The following DAB2IP variants were observed in gnomAD, a reference collection of about 807,000 sequenced individuals.
The protein encoded by DAB2IP is disabled homolog 2-interacting protein.
A neutral mutation model predicts 107.2 loss-of-function variants in DAB2IP; 28 were observed. The ratio of observed to expected loss-of-function variants is 0.26; its 90% CI spans 0.19 to 0.36. The LOEUF is 0.36. Among genes scored for constraint, DAB2IP ranks in the 10% least tolerant of loss-of-function variants. The probability of loss-of-function intolerance (pLI) is 1.00; values close to 1 mark genes in which losing one functional copy is unlikely to be tolerated. For synonymous variants in DAB2IP, 755 were observed against 706.4 expected (o/e 1.07, Z -1.09); for missense variants, 1,400 against 1,644.7 (o/e 0.85, Z 2.57).
At chr9:121,703,362 T>C (rs1385216036) in intron 3 of DAB2IP, among the ~76,000 whole-genome samples, 1 of 152,174 alleles carries the variant, frequency 6.6e-6, no homozygotes, top group African/African-American at 2.4e-5. Flanking sequence ...CCTTGTTCCC[T>C]CCCCTACTAT....
intron 1 of DAB2IP, among the ~76,000 whole-genome samples, chr9:121,597,216 A>G (rs1247709919): frequency 6.6e-6 from 1 of 152,162 alleles, no homozygotes; most frequent in Non-Finnish European, 1.5e-5. Flanking sequence ...GGTCTTCTTT[A>G]AGACATCCTT....
chr9:121,585,948 C>T (rs1246034052), intron 1 of DAB2IP, among the ~76,000 whole-genome samples: 1 of 152,198 alleles, frequency 6.6e-6, no homozygotes. Context: ...CCTAACCCAT[C>T]AGTGGCTTCC....
Position 121,675,427 on chromosome 9 carries a change from T to C in DAB2IP, c.125-3251T>C, listed in dbSNP as rs528199633. Among the ~76,000 whole-genome samples the C allele has an allele frequency of 3.3e-5, 5 of 152,226 alleles. No individual in the cohort carries two copies. In the South Asian group the frequency reaches 1.0e-3, roughly 32 times the overall value. On this transcript the variant is annotated intron_variant, in intron 1 of 15. Transcript: ENST00000408936. ...GAGGAGTCCCTTCTTTCTGAGGGCA[T>C]TGAGGGCATTAGAAGCAGTCGGGCT...
chr9:121,685,929 C>T (rs1369277658), intron 2 of DAB2IP, among the ~76,000 whole-genome samples: 3 of 152,172 alleles, frequency 2.0e-5, no homozygotes, highest in Non-Finnish European at 4.4e-5. Context: ...GGAATGGAAG[C>T]GACAAGAGAT....
rs567798852 is a variant in DAB2IP, at chr9:121,748,691, G to A, written c.363-8322G>A. Among the ~76,000 whole-genome samples the A allele has an allele frequency of 2.0e-5, 3 of 152,328 alleles. No individual in the cohort carries two copies. The South Asian group carries it at 6.2e-4, about 32-fold the overall frequency. On this transcript the variant is annotated intron_variant, in intron 3 of 15. Coordinates refer to ENST00000408936, the Ensembl canonical transcript of DAB2IP. ...GGCACATGGTAGGTGCTTAGTAAGT[G>A]GCTGTTAGGTCCAGGCTGCCACAGT...
intron 1 of DAB2IP, among the ~76,000 whole-genome samples, chr9:121,669,862 G>T (rs1257434454): frequency 6.6e-6 from 1 of 152,146 alleles, no homozygotes; most frequent in Non-Finnish European, 1.5e-5. Context: ...AGAATAACGT[G>T]GTATAGCCGT....
At chr9:121,764,914 G>C (rs918286340) in intron 8 of DAB2IP, among the ~76,000 whole-genome samples, 2 of 152,230 alleles carry the variant, frequency 1.3e-5, no homozygotes, top group Non-Finnish European at 2.9e-5. Context: ...GGGGCACCCT[G>C]GGGGCAGGTG....
At chr9:121,660,105 C>G (rs778633531) in intron 1 of DAB2IP, among the ~76,000 whole-genome samples, 1 of 152,042 alleles carries the variant, frequency 6.6e-6, no homozygotes, top group Non-Finnish European at 1.5e-5. Flanking sequence ...GAGGGGAGAA[C>G]AGCCCCTGGC....
At chr9:121,679,584 T>C (rs1324634082) in intron 2 of DAB2IP, among the ~76,000 whole-genome samples, 1 of 152,064 alleles carries the variant, frequency 6.6e-6, no homozygotes, top group African/African-American at 2.4e-5. Flanking sequence ...CTCAGGTCTG[T>C]AGGTCAGGTG....
rs374032730 is a variant in DAB2IP, at chr9:121,774,240, A to G, written c.2968-20A>G. 27 of 1,587,172 alleles carry G rather than the reference A, an allele frequency of 1.7e-5. No homozygotes were observed. Among genetic ancestry groups the G allele is most frequent in the Non-Finnish European group, 2.1e-5 (25 of 1,167,032 alleles). On this transcript the variant is annotated intron_variant, in intron 12 of 15. Transcript: ENST00000408936. ...GCCCTCCACCTCCCTGCAGCCCCTC[A>G]CAGCTGTGTTTCATTGTAGGGCCCT...
intron 1 of DAB2IP, among the ~76,000 whole-genome samples, chr9:121,666,520 G>A (rs961543539): frequency 2.6e-5 from 4 of 152,166 alleles, no homozygotes; most frequent in South Asian, 2.1e-4. Context: ...ATAAGTGAGA[G>A]TTGAACAATG....
intron 1 of DAB2IP, among the ~76,000 whole-genome samples, chr9:121,577,588 C>A (rs185387658): frequency 7.2e-5 from 11 of 152,138 alleles, no homozygotes; most frequent in African/African-American, 2.4e-4. Flanking sequence ...TGGTCTGTGC[C>A]CTAGAAAAGC....
rs969606775 is a variant in DAB2IP at position 121,782,633 on chromosome 9, G to A, written c.*135G>A. 7 of 1,497,316 alleles carry A rather than the reference G, an allele frequency of 4.7e-6. No individual in the cohort carries two copies. Among genetic ancestry groups the A allele is most frequent in the Admixed American group, 2.2e-5 (1 of 45,832 alleles). 92.8% of individuals were successfully genotyped at this position (1,497,316 alleles called of 1,614,324 possible). On this transcript the variant is annotated 3_prime_UTR_variant, in exon 16 of 16. Transcript: ENST00000408936. This position sits in a 1 kb window ranked among gnomAD's most constrained non-coding sequence, Gnocchi z 6.1. ...GGAGGCCGAGCCTCCCCTCCCTGCC[G>A]CTGTCCAGGAGGCGGCCGCAGAGGG...
At chr9:121,592,853 T>C (rs1002391344) in intron 1 of DAB2IP, among the ~76,000 whole-genome samples, 3 of 151,998 alleles carry the variant, frequency 2.0e-5, no homozygotes, top group Admixed American at 6.5e-5. Context: ...CGGGTCCAGA[T>C]TGGAATCCCT....
intron 1 of DAB2IP, among the ~76,000 whole-genome samples, chr9:121,652,620 G>A (rs1008051717): frequency 6.6e-6 from 1 of 152,068 alleles, no homozygotes; most frequent in Non-Finnish European, 1.5e-5. Context: ...GGAGTCCTAG[G>A]CAGAGGTTCA....
chr9:121,695,649 G>C (rs1829384517), intron 2 of DAB2IP, among the ~76,000 whole-genome samples: 1 of 152,110 alleles, frequency 6.6e-6, no homozygotes, highest in Non-Finnish European at 1.5e-5. Context: ...CCAGGCCTTA[G>C]TGGGTGTGGC....
intron 1 of DAB2IP, among the ~76,000 whole-genome samples, chr9:121,581,732 G>T (rs2118906805): frequency 6.6e-6 from 1 of 152,310 alleles, no homozygotes; most frequent in South Asian, 2.1e-4. Context: ...AGGCAGGAGA[G>T]GCTGTGTGAG....
chr9:121,773,248 G>A (rs760886694), exon 12 of DAB2IP: 26 of 1,549,078 alleles, frequency 1.7e-5, no homozygotes, highest in South Asian at 2.4e-5. Flanking sequence ...ACGGTGCCAC[G>A]GCAGAACAGT....
chr9:121,664,107 A>G (rs1294793522), intron 1 of DAB2IP, among the ~76,000 whole-genome samples: 2 of 152,264 alleles, frequency 1.3e-5, no homozygotes, highest in African/African-American at 4.8e-5. Flanking sequence ...CATAGAGACA[A>G]CTAGTTGTTT....
Sources: gnomAD v4.1 joint callset for allele counts (sites outside exome capture counted in the v4.1 genomes callset) on GRCh38, gnomAD v4.1.1 for gene constraint, Gnocchi (gnomAD v3.1) non-coding constraint, MANE v1.5 for transcripts, NCBI Gene and HGNC (gene_info 2026-07-23, HGNC 2026-07-21) for gene names.